Variants in STK4 observed in about 807,000 individuals in gnomAD.
The protein encoded by STK4 is serine/threonine-protein kinase 4.
A neutral mutation model predicts 64.9 loss-of-function variants in STK4; 30 were observed. That is an observed-to-expected ratio of 0.46 (90% CI 0.35 to 0.63). The LOEUF is 0.63. STK4 is among the 20% of genes least tolerant of loss of function. STK4 has a pLI of 0.01. For synonymous variants in STK4, 177 were observed against 199.0 expected, an observed-to-expected ratio of 0.89 and a Z score of 0.93; for missense variants, 466 against 598.5, an observed-to-expected ratio of 0.78 and a Z score of 2.31.
At position 45,076,887 on chromosome 20, in the gene STK4, T is replaced by TTTTA. The variant is rs1466613993; in HGVS notation, c.*1711_*1712insTTTA. The TTTTA allele has an allele frequency of 6.6e-6, 1 of 152,214 alleles. No homozygotes were observed. The highest frequency in any genetic ancestry group is 1.5e-5 in the Non-Finnish European group (1 of 68,036). 9.4% of individuals were successfully genotyped at this position (152,214 alleles called of 1,614,324 possible). On this transcript the variant is annotated 3_prime_UTR_variant, in exon 11 of 11. Transcript: ENST00000372806. This position sits in a 1 kb window ranked among gnomAD's most constrained non-coding sequence, Gnocchi z 4.0. ...GTTTTTAAAAAATGCAAGAGGCAGT[T>TTTTA]GTTAGTCTTCAGGGCTTGGCAACTG... is the stretch of plus-strand genomic sequence containing the variant.
intron 10 of STK4, among the ~76,000 whole-genome samples, chr20:45,043,058 A>G (rs2068638589): frequency 6.6e-6 from 1 of 151,598 alleles, no homozygotes; most frequent in Non-Finnish European, 1.5e-5. Flanking sequence ...CCATGTGTCC[A>G]TGTGTTCTTA....
chr20:45,056,573 G>A (rs1311881473), intron 10 of STK4, among the ~76,000 whole-genome samples: 1 of 152,150 alleles, frequency 6.6e-6, no homozygotes, highest in Admixed American at 6.5e-5. Flanking sequence ...CTTCTGGATT[G>A]GAAAGTATCT....
chr20:45,022,364 C>T (rs1047541565), intron 9 of STK4, among the ~76,000 whole-genome samples: 4 of 152,104 alleles, frequency 2.6e-5, no homozygotes, highest in Non-Finnish European at 5.9e-5. Context: ...AAAGCAAATA[C>T]ATTTTAGATA....
intron 10 of STK4, among the ~76,000 whole-genome samples, chr20:45,062,545 C>G (rs1346591806): frequency 6.6e-6 from 1 of 152,252 alleles, no homozygotes; most frequent in African/African-American, 2.4e-5. Flanking sequence ...TTCCCACCAG[C>G]AGTGTGTAAG....
chr20:45,009,413 G>A (rs1358619145), intron 9 of STK4, among the ~76,000 whole-genome samples: 2 of 152,126 alleles, frequency 1.3e-5, no homozygotes, highest in Non-Finnish European at 2.9e-5. Flanking sequence ...TGTTGTACCA[G>A]TACAAGAACA....
At chr20:45,047,564 T>G (rs2068716021) in intron 10 of STK4, among the ~76,000 whole-genome samples, 1 of 152,260 alleles carries the variant, frequency 6.6e-6, no homozygotes, top group Admixed American at 6.5e-5. Flanking sequence ...ATTTTCTTTT[T>G]GTAATATCCA....
rs772727169 is a variant in STK4, at chr20:44,972,180, G to T, written c.116+22G>T. On this transcript the variant is annotated intron_variant, in intron 2 of 10. Coordinates refer to ENST00000372806, the MANE Select transcript of STK4 (RefSeq NM_006282.5). ...AAGGGTGAGTGTAAAGAAACTATAG[G>T]TAGGTCATTGGGTCCCAGTCTTTTT... is the stretch of plus-strand genomic sequence containing the variant. 34 of 1,599,384 alleles carry T rather than the reference G, an allele frequency of 2.1e-5. No homozygotes were observed. The Admixed American group carries it at 2.9e-4, about 14-fold the overall frequency.
intron 9 of STK4, 151 bp downstream of exon 9, chr20:45,001,504 A>G (rs2067841476): frequency 3.2e-6 from 3 of 933,320 alleles, no homozygotes; most frequent in Non-Finnish European, 3.0e-6. Flanking sequence ...CGATGGGGAC[A>G]GGAGGTTTGG....
intron 9 of STK4, among the ~76,000 whole-genome samples, chr20:45,011,856 C>A (rs1181771848): frequency 6.7e-6 from 1 of 149,974 alleles, no homozygotes; most frequent in African/African-American, 2.5e-5. Flanking sequence ...ACAATATGAG[C>A]TCTAGTAGTC....
At position 45,026,318 on chromosome 20, in the gene STK4, A is replaced by AGAGTGTGTGT. The variant is rs149719235; in HGVS notation, c.1305+1189_1305+1190insAGTGTGTGTG. On this transcript the variant is annotated intron_variant, in intron 10 of 10. Coordinates refer to ENST00000372806, the MANE Select transcript of STK4 (RefSeq NM_006282.5). ...AAAAGGGAGGTTAGGAGACAGAAAG[A>AGAGTGTGTGT]GTGTGTGTGTGTGTGTGTGTGTGTG... Among the ~76,000 whole-genome samples, 4 of 145,688 alleles carry AGAGTGTGTGT rather than the reference A, an allele frequency of 2.7e-5. No individual in the cohort carries two copies. The Admixed American group carries it at 2.8e-4, about 10-fold the overall frequency.
intron 10 of STK4, among the ~76,000 whole-genome samples, chr20:45,034,908 C>A (rs1292660659): frequency 6.6e-6 from 1 of 151,814 alleles, no homozygotes; most frequent in Non-Finnish European, 1.5e-5. Context: ...CAGAGTGAGA[C>A]CCCATGTCTT....
intron 6 of STK4, among the ~76,000 whole-genome samples, 184 bp downstream of exon 6, chr20:44,995,441 A>G (rs1288684050): frequency 6.6e-6 from 1 of 151,962 alleles, no homozygotes; most frequent in African/African-American, 2.4e-5. Flanking sequence ...CCTTGTCTCT[A>G]CTAAAAATAC....
intron 10 of STK4, among the ~76,000 whole-genome samples, chr20:45,062,024 C>T (rs1294258278): frequency 6.6e-6 from 1 of 151,942 alleles, no homozygotes; most frequent in Non-Finnish European, 1.5e-5. Flanking sequence ...GGATTACAGG[C>T]ATGTGCCACC....
intron 6 of STK4, 118 bp downstream of exon 6, chr20:44,995,375 G>A (rs2067709645): frequency 1.6e-6 from 2 of 1,237,680 alleles, no homozygotes; most frequent in Non-Finnish European, 1.1e-6. Context: ...GGAGGCTGAG[G>A]TGGATGGATC....
intron 10 of STK4, among the ~76,000 whole-genome samples, chr20:45,029,751 C>T (rs1005071600): frequency 2.6e-5 from 4 of 152,172 alleles, no homozygotes; most frequent in Non-Finnish European, 5.9e-5. Context: ...TTAACCTGTC[C>T]TCCTGGTGAC....
At chr20:45,070,232 G>A (rs1358932073) in intron 10 of STK4, among the ~76,000 whole-genome samples, 1 of 152,212 alleles carries the variant, frequency 6.6e-6, no homozygotes, top group Non-Finnish European at 1.5e-5. Context: ...TCATGAGTTG[G>A]ATTTTATTCT....
rs112809676 is a variant in STK4, at chr20:45,061,393, T to C, written c.1306-13625T>C. ...AATAAACAATTCATGAATTTTAAAT[T>C]ATGCGTCATCCTGAGTAGTATGAGG... On this transcript the variant is annotated intron_variant, in intron 10 of 10. Coordinates refer to ENST00000372806, the MANE Select transcript of STK4 (RefSeq NM_006282.5). 8.6e-3 allele frequency among the ~76,000 whole-genome samples: 1,311 copies of C among 152,280 alleles called. 18 individuals carry two copies. The highest frequency in any genetic ancestry group is 0.03 in the African/African-American group (1,259 of 41,542).
chr20:45,005,602 C>T (rs560147330), intron 9 of STK4, among the ~76,000 whole-genome samples: 16 of 146,896 alleles, frequency 1.1e-4, no homozygotes, highest in African/African-American at 3.3e-4. Context: ...GAACCGAGAT[C>T]GCGCCACTGC....
chr20:44,978,633 A>G, intron 3 of STK4, 62 bp downstream of exon 3: 2 of 1,557,454 alleles, frequency 1.3e-6, no homozygotes, highest in Non-Finnish European at 1.7e-6. Flanking sequence ...GATTGTGTAG[A>G]GTTTGATACC....
Sources: gnomAD v4.1 joint callset for allele counts (sites outside exome capture counted in the v4.1 genomes callset) on GRCh38, gnomAD v4.1.1 for gene constraint, Gnocchi (gnomAD v3.1) non-coding constraint, MANE v1.5 for transcripts, NCBI Gene and HGNC (gene_info 2026-07-23, HGNC 2026-07-21) for gene names.